TRAT1: variants seen among roughly 807,000 people sequenced by gnomAD.
TRAT1 encodes the protein T-cell receptor-associated transmembrane adapter 1.
Under a neutral mutation model 20.0 loss-of-function variants are expected in TRAT1, and 20 were observed. That is an observed-to-expected ratio of 1.00 (90% CI 0.70 to 1.45). The LOEUF is 1.45. TRAT1 is among the 40% of genes most tolerant of loss of function. The pLI, the probability that TRAT1 is intolerant of heterozygous loss-of-function variation, is 0.00. For synonymous variants in TRAT1, 77 were observed against 74.2 expected, an observed-to-expected ratio of 1.04 and a Z score of -0.20; for missense variants, 237 against 224.1, an observed-to-expected ratio of 1.06 and a Z score of -0.37.
At chr3:108,830,350 T>C (rs957333985) in intron 1 of TRAT1, among the ~76,000 whole-genome samples, 1 of 152,240 alleles carries the variant, frequency 6.6e-6, no homozygotes, top group African/African-American at 2.4e-5. Context: ...CTTGGTAATT[T>C]GAATGTTGTT....
intron 3 of TRAT1, among the ~76,000 whole-genome samples, chr3:108,842,164 C>T (rs1945901802): frequency 6.6e-6 from 1 of 152,106 alleles, no homozygotes; most frequent in South Asian, 2.1e-4. Context: ...TTTTCAGAGT[C>T]TCTCTCAAAA....
intron 1 of TRAT1, 127 bp from the exon 2 acceptor site, chr3:108,830,543 A>G (rs894721670): frequency 4.9e-6 from 3 of 611,792 alleles, no homozygotes; most frequent in Non-Finnish European, 5.8e-6. Context: ...AATATTAATT[A>G]GTTTCCCGGT....
intron 2 of TRAT1, 21 bp from the exon 3 acceptor site, chr3:108,838,913 T>G (rs373310400): frequency 1.3e-6 from 2 of 1,586,278 alleles, no homozygotes; most frequent in Non-Finnish European, 1.7e-6. Context: ...TTTTAACTTG[T>G]CTATTTTGAA....
intron 5 of TRAT1, among the ~76,000 whole-genome samples, chr3:108,852,962 C>T (rs755956102): frequency 5.3e-5 from 8 of 152,182 alleles, no homozygotes; most frequent in Non-Finnish European, 7.3e-5. Context: ...AGGTCTAGTC[C>T]GGAGAAGCCC....
chr3:108,833,799 T>TACACACACACACACAC lies in TRAT1; in HGVS notation c.118+3037_118+3052dup, dbSNP rs3054303. 6.9e-4 allele frequency among the ~76,000 whole-genome samples: 101 copies of TACACACACACACACAC among 146,738 alleles called. 2 individuals are homozygous for TACACACACACACACAC. The highest frequency in any genetic ancestry group is 2.2e-3 in the African/African-American group (86 of 39,614). ...TAGACCCTAGGGTTCTTGTAAGAAT[T>TACACACACACACACAC]ACACACACACACACACACACACACA... is the stretch of plus-strand genomic sequence containing the variant. On this transcript the variant is annotated intron_variant, in intron 2 of 5. Coordinates refer to ENST00000295756, the MANE Select transcript of TRAT1 (RefSeq NM_016388.4).
Position 108,838,804 on chromosome 3 carries a change from G to A in TRAT1, c.119-130G>A, listed in dbSNP as rs1015626619. 20 of 737,354 alleles carry A rather than the reference G, an allele frequency of 2.7e-5. No individual in the cohort carries two copies. The Admixed American group carries it at 3.6e-4, about 13-fold the overall frequency. 45.7% of individuals were successfully genotyped at this position (737,354 alleles called of 1,614,324 possible). Reference sequence around the variant, plus strand: ...ACCTTTAACCCTACTTCAATCAGAGGTGCCCTGAGAGCCTTGGTCAAATAT... The same window carrying A: ...ACCTTTAACCCTACTTCAATCAGAGATGCCCTGAGAGCCTTGGTCAAATAT... On this transcript the variant is annotated intron_variant, in intron 2 of 5. Transcript: ENST00000295756.
chr3:108,836,028 C>T (rs952807490), intron 2 of TRAT1, among the ~76,000 whole-genome samples: 25 of 152,010 alleles, frequency 1.6e-4, no homozygotes, highest in South Asian at 4.1e-4. Context: ...CAAGCGATTC[C>T]CCTGCCTCAG....
intron 1 of TRAT1, among the ~76,000 whole-genome samples, chr3:108,827,189 A>G (rs535303114): frequency 6.6e-6 from 1 of 152,306 alleles, no homozygotes; most frequent in East Asian, 1.9e-4. Flanking sequence ...TCAAAGCTAT[A>G]TAAATGAAAG....
intron 3 of TRAT1, 195 bp downstream of exon 3, chr3:108,839,162 T>C: frequency 1.8e-6 from 1 of 541,296 alleles, no homozygotes; most frequent in Non-Finnish European, 3.2e-6. Flanking sequence ...ATTTGCACAC[T>C]GTGAGTCAAC....
intron 2 of TRAT1, among the ~76,000 whole-genome samples, chr3:108,836,530 A>G (rs1481035288): frequency 6.6e-6 from 1 of 152,192 alleles, no homozygotes; most frequent in Non-Finnish European, 1.5e-5. Context: ...TTTAACTTCA[A>G]AATATCATAC....
chr3:108,843,509 A>G (rs1328170814), intron 3 of TRAT1, among the ~76,000 whole-genome samples: 1 of 152,156 alleles, frequency 6.6e-6, no homozygotes, highest in Non-Finnish European at 1.5e-5. Flanking sequence ...CAACATGGTG[A>G]CAGAGCAAGA....
chr3:108,842,812 C>T (rs1020097434), intron 3 of TRAT1, among the ~76,000 whole-genome samples: 1 of 152,196 alleles, frequency 6.6e-6, no homozygotes, highest in Non-Finnish European at 1.5e-5. Flanking sequence ...AATGTGAGCT[C>T]ATTGTGCTTA....
At chr3:108,830,628 A>C in intron 1 of TRAT1, 42 bp from the exon 2 acceptor site, 551 of 1,163,342 alleles carry the variant, frequency 4.7e-4, no homozygotes, top group Non-Finnish European at 6.5e-4. Context: ...ACAAATGGGT[A>C]AGCAGCTGTT....
At chr3:108,827,769 T>G (rs985943068) in intron 1 of TRAT1, among the ~76,000 whole-genome samples, 6 of 152,102 alleles carry the variant, frequency 3.9e-5, no homozygotes, top group African/African-American at 1.4e-4. Flanking sequence ...CAAGTGGTTA[T>G]GTGGGGCAAA....
intron 1 of TRAT1, among the ~76,000 whole-genome samples, chr3:108,826,064 T>C (rs974522606): frequency 2.0e-5 from 3 of 152,196 alleles, no homozygotes; most frequent in African/African-American, 7.2e-5. Flanking sequence ...GGAATCATAA[T>C]TTACTCTCTT....
intron 2 of TRAT1, 96 bp downstream of exon 2, chr3:108,830,876 C>A (rs1431133617): frequency 2.6e-6 from 2 of 755,416 alleles, no homozygotes; most frequent in South Asian, 1.7e-5. Context: ...TATGAAATGT[C>A]ATTCAACAGG....
intron 2 of TRAT1, among the ~76,000 whole-genome samples, chr3:108,832,309 T>C (rs1168330272): frequency 1.3e-5 from 2 of 152,218 alleles, no homozygotes; most frequent in African/African-American, 4.8e-5. Flanking sequence ...TTTTTGGATC[T>C]CTATTATATC....
chr3:108,828,966 G>A (rs1301436098), intron 1 of TRAT1, among the ~76,000 whole-genome samples: 1 of 152,054 alleles, frequency 6.6e-6, no homozygotes, highest in African/African-American at 2.4e-5. Context: ...ACACAGGCAA[G>A]GTCAAAATAA....
chr3:108,844,867 AAAG>A (rs1268609258), intron 3 of TRAT1, among the ~76,000 whole-genome samples: 5 of 138,036 alleles, frequency 3.6e-5, no homozygotes, highest in Admixed American at 7.2e-5. Flanking sequence ...AAAAAAAAAA[AAAG>A]AAATACGTGT....
Sources: allele counts gnomAD v4.1 joint callset (sites outside exome capture counted in the v4.1 genomes callset), GRCh38; gene constraint gnomAD v4.1.1; transcripts MANE v1.5; gene names NCBI Gene and HGNC (gene_info 2026-07-23, HGNC 2026-07-21).